The following CLASP2 variants were observed in gnomAD, a reference collection of about 807,000 sequenced individuals.
CLASP2 encodes CLIP-associating protein 2.
CLASP2 carries 47 observed loss-of-function variants against 194.4 expected under a neutral mutation model. That is an observed-to-expected ratio of 0.24 (90% CI 0.19 to 0.31). The LOEUF is 0.31. Ranked by LOEUF, CLASP2 falls within the 10% of genes least tolerant of loss-of-function variation. The pLI, the probability that CLASP2 is intolerant of heterozygous loss-of-function variation, is 1.00. For synonymous variants in CLASP2, 619 were observed against 633.5 expected (o/e 0.98, Z 0.34); for missense variants, 1,445 against 1,823.6 (o/e 0.79, Z 3.78).
chr3:33,670,240 G>A (rs142352943), intron 6 of CLASP2, among the ~76,000 whole-genome samples: 26 of 152,266 alleles, frequency 1.7e-4, no homozygotes, highest in African/African-American at 6.3e-4. Flanking sequence ...TAGAAGTCAG[G>A]ATTGTGGTTA....
chr3:33,668,092 G>C (rs1017201690), intron 6 of CLASP2, among the ~76,000 whole-genome samples: 6 of 151,986 alleles, frequency 3.9e-5, no homozygotes, highest in Admixed American at 3.9e-4. Context: ...GGTAGCAGGG[G>C]CCTGTAATCC....
At chr3:33,698,420 G>C (rs1429947613) in intron 1 of CLASP2, among the ~76,000 whole-genome samples, 1 of 152,036 alleles carries the variant, frequency 6.6e-6, no homozygotes. Flanking sequence ...AGCTTCCTAA[G>C]ACTGAAGCTA....
At chr3:33,648,516 AAAAT>A (rs1312170164) in intron 7 of CLASP2, among the ~76,000 whole-genome samples, 2 of 152,176 alleles carry the variant, frequency 1.3e-5, no homozygotes, top group African/African-American at 2.4e-5. Flanking sequence ...CTAAAAAGGA[AAAAT>A]AAATAAATCT....
In CLASP2 at chr3:33,498,608, C is replaced by G. The variant is rs1166030624; in HGVS notation, c.*23G>C. On this transcript the variant is annotated 3_prime_UTR_variant, in exon 39 of 39. Transcript: ENST00000682230. ...CTATCTGTCCTTTCTTTTGAGAGAC[C>G]TGGTTCGCTGTGATGAGCTTCACTA... 10 of 1,540,218 alleles carry G rather than the reference C, an allele frequency of 6.5e-6. No individual in the cohort carries two copies. In the Admixed American group the frequency reaches 6.8e-5, roughly 10 times the overall value.
chr3:33,561,997 A>G (rs1167024280), intron 27 of CLASP2, among the ~76,000 whole-genome samples: 1 of 152,182 alleles, frequency 6.6e-6, no homozygotes, highest in Non-Finnish European at 1.5e-5. Context: ...CTCTCAATGC[A>G]TATTTTATTT....
intron 8 of CLASP2, among the ~76,000 whole-genome samples, chr3:33,634,292 A>G: frequency 6.6e-6 from 1 of 152,226 alleles, no homozygotes; most frequent in East Asian, 1.9e-4. Context: ...GCGCATTTTA[A>G]TGAATAAAAC....
intron 34 of CLASP2, among the ~76,000 whole-genome samples, chr3:33,530,074 G>T (rs2055877185): frequency 6.7e-6 from 1 of 150,232 alleles, no homozygotes; most frequent in Non-Finnish European, 1.5e-5. Context: ...GCCTTCTTGT[G>T]GAATACCTCC....
chr3:33,557,059 C>T (rs1183850227), intron 29 of CLASP2, among the ~76,000 whole-genome samples: 1 of 149,902 alleles, frequency 6.7e-6, no homozygotes, highest in Non-Finnish European at 1.5e-5. Context: ...CTGCAACCTC[C>T]GCCTCTCCGG....
At position 33,593,899 on chromosome 3, in the gene CLASP2, G is replaced by A. The variant is rs546192095; in HGVS notation, c.1966+1052C>T. ...TGTTCTGTTGCCCAGGCTGGAGTGC[G>A]GTGGCATGATCATGGCTCACTGTAG... On this transcript the variant is annotated intron_variant, in intron 20 of 38. Coordinates refer to ENST00000682230, the MANE Select transcript of CLASP2 (RefSeq NM_001365631.1). 1.3e-4 allele frequency among the ~76,000 whole-genome samples: 20 copies of A among 152,136 alleles called. No homozygotes were observed. In the South Asian group the frequency reaches 3.3e-3, roughly 25 times the overall value.
rs374384609 is a variant in CLASP2 at position 33,601,854 on chromosome 3, T to C, written c.1924+1098A>G. 2.6e-5 allele frequency among the ~76,000 whole-genome samples: 4 copies of C among 152,174 alleles called. No homozygotes were observed. The East Asian group carries it at 7.7e-4, about 29-fold the overall frequency. On this transcript the variant is annotated intron_variant, in intron 18 of 38. Transcript: ENST00000682230. ...CCAACTTTATCATGCACTATACTCA[T>C]ACCTAAATTCTCTGCACTTCTAACA...
chr3:33,570,698 A>T (rs746147382), intron 26 of CLASP2, 29 bp downstream of exon 26: 1 of 1,581,960 alleles, frequency 6.3e-7, no homozygotes, highest in Non-Finnish European at 8.6e-7. Context: ...ACCCTATAGA[A>T]ATAAATAATC....
rs188651821 is a variant in CLASP2 at position 33,596,381 on chromosome 3, T to G, written c.1948+330A>C. On this transcript the variant is annotated intron_variant, in intron 19 of 38. Coordinates refer to ENST00000682230, the MANE Select transcript of CLASP2 (RefSeq NM_001365631.1). ...TGAATGAAATGACTTAGGAGATTTC[T>G]TTCCATTCTTCTGAATCCAATATTT... Among the ~76,000 whole-genome samples the G allele has an allele frequency of 3.0e-3, 454 of 152,280 alleles. 1 individual carries two copies. The highest frequency in any genetic ancestry group is 5.2e-3 in the Non-Finnish European group (354 of 67,982).
At chr3:33,619,812 A>C in intron 11 of CLASP2, 74 bp from the exon 12 acceptor site, 2 of 1,195,688 alleles carry the variant, frequency 1.7e-6, no homozygotes, top group Non-Finnish European at 2.2e-6. Flanking sequence ...ATTTTAAAAT[A>C]CTCTTTTACT....
intron 6 of CLASP2, among the ~76,000 whole-genome samples, chr3:33,680,831 T>C (rs2089696875): frequency 6.6e-6 from 1 of 151,382 alleles, no homozygotes; most frequent in Non-Finnish European, 1.5e-5. Flanking sequence ...TTAAAATCTA[T>C]TTAAGAATAA....
chr3:33,714,360 C>G (rs1272811155), intron 1 of CLASP2, among the ~76,000 whole-genome samples: 2 of 152,174 alleles, frequency 1.3e-5, no homozygotes, highest in East Asian at 3.8e-4. Flanking sequence ...CTCCATTGAA[C>G]TTGGGACCCC....
At chr3:33,592,698 G>T in intron 20 of CLASP2, 1 of 620,344 alleles carries the variant, frequency 1.6e-6, no homozygotes, top group Non-Finnish European at 2.9e-6. Flanking sequence ...TTTCCTTCAA[G>T]GATAAGAAGA....
intron 6 of CLASP2, among the ~76,000 whole-genome samples, chr3:33,680,674 T>C (rs1250528859): frequency 6.6e-6 from 1 of 151,920 alleles, no homozygotes; most frequent in African/African-American, 2.4e-5. Flanking sequence ...AGCCAGGTGT[T>C]GTGGTGTGCA....
intron 14 of CLASP2, among the ~76,000 whole-genome samples, chr3:33,608,364 C>G (rs1015521127): frequency 2.0e-5 from 3 of 152,142 alleles, no homozygotes; most frequent in African/African-American, 7.2e-5. Context: ...AACCCTTACC[C>G]ATCCCACAAA....
At chr3:33,638,351 C>T (rs1032615889) in intron 8 of CLASP2, among the ~76,000 whole-genome samples, 2 of 152,102 alleles carry the variant, frequency 1.3e-5, no homozygotes, top group Non-Finnish European at 2.9e-5. Flanking sequence ...GTCGCCCAGG[C>T]TGTAGTGCAG....
Sources: gnomAD v4.1 joint callset for allele counts (sites outside exome capture counted in the v4.1 genomes callset) on GRCh38, gnomAD v4.1.1 for gene constraint, MANE v1.5 for transcripts, NCBI Gene and HGNC (gene_info 2026-07-23, HGNC 2026-07-21) for gene names.